Variants in AKAP13 observed in about 807,000 individuals in gnomAD.
AKAP13 encodes the protein A-kinase anchoring protein 13, also known as A-kinase anchor protein 13.
In AKAP13, 80 loss-of-function variants were observed where a neutral mutation model predicts 264.5. That is an observed-to-expected ratio of 0.30 (90% CI 0.25 to 0.36). AKAP13 has a LOEUF of 0.36. Among genes scored for constraint, AKAP13 ranks in the 10% least tolerant of loss-of-function variants. The pLI is 1.00. For synonymous variants in AKAP13, 1,380 were observed against 1,250.2 expected (o/e 1.10, Z -2.19); for missense variants, 3,712 against 3,435.2 (o/e 1.08, Z -2.01).
intron 8 of AKAP13, among the ~76,000 whole-genome samples, chr15:85,635,855 A>G (rs1008877161): frequency 7.2e-5 from 11 of 152,232 alleles, no homozygotes; most frequent in Admixed American, 5.9e-4. Flanking sequence ...ATATCTTGGC[A>G]TCTTTGTCAG....
intron 1 of AKAP13, among the ~76,000 whole-genome samples, chr15:85,392,710 G>A (rs1424174928): frequency 1.3e-5 from 2 of 152,128 alleles, no homozygotes; most frequent in Non-Finnish European, 2.9e-5. Context: ...CTGGCTCTGG[G>A]TGGTTTTGAA....
At chr15:85,673,124 G>C (rs776763722) in intron 14 of AKAP13, among the ~76,000 whole-genome samples, 1 of 152,156 alleles carries the variant, frequency 6.6e-6, no homozygotes, top group Admixed American at 6.6e-5. Context: ...CTGAGCTGTT[G>C]TCCAGAATGT....
intron 1 of AKAP13, among the ~76,000 whole-genome samples, chr15:85,382,629 T>C (rs2070345483): frequency 6.6e-6 from 1 of 152,220 alleles, no homozygotes; most frequent in Admixed American, 6.5e-5. Flanking sequence ...CATGTTATAC[T>C]GTAGGTACTA....
intron 6 of AKAP13, 26 bp downstream of exon 6, chr15:85,575,355 A>C (rs374312022): frequency 3.8e-6 from 6 of 1,597,762 alleles, no homozygotes; most frequent in Non-Finnish European, 4.3e-6. Context: ...TTTATTTTTA[A>C]GTATATGCAT....
At chr15:85,679,067 C>T (rs1597028943) in intron 14 of AKAP13, among the ~76,000 whole-genome samples, 1 of 151,866 alleles carries the variant, frequency 6.6e-6, no homozygotes, top group Non-Finnish European at 1.5e-5. Flanking sequence ...AGTGAAACCC[C>T]ATCTCTACCA....
intron 30 of AKAP13, among the ~76,000 whole-genome samples, chr15:85,730,997 CTTTTTTTTTTTT>C (rs71468134): frequency 1.4e-4 from 8 of 57,382 alleles, no homozygotes; most frequent in East Asian, 1.2e-3. Context: ...GTCACTTATG[CTTTTTTTTTTTT>C]TTTTTTTTTT....
chr15:85,595,123 A>G (rs980558916), intron 8 of AKAP13, among the ~76,000 whole-genome samples: 3 of 152,126 alleles, frequency 2.0e-5, no homozygotes, highest in African/African-American at 7.2e-5. Flanking sequence ...TTGTAGAGAT[A>G]GGGTCTCACT....
At chr15:85,548,178 G>A (rs2077822424) in intron 5 of AKAP13, among the ~76,000 whole-genome samples, 2 of 152,218 alleles carry the variant, frequency 1.3e-5, no homozygotes, top group Non-Finnish European at 2.9e-5. Context: ...GCTCCAGCTA[G>A]TGACTAGGTG....
At chr15:85,659,823 T>G (rs2151531834) in intron 12 of AKAP13, among the ~76,000 whole-genome samples, 1 of 152,246 alleles carries the variant, frequency 6.6e-6, no homozygotes, top group Non-Finnish European at 1.5e-5. Context: ...TTTTATAAAA[T>G]TGAAACATTA....
chr15:85,458,168 A>T (rs1252679989), intron 1 of AKAP13, among the ~76,000 whole-genome samples: 3 of 151,958 alleles, frequency 2.0e-5, no homozygotes, highest in Non-Finnish European at 4.4e-5. Context: ...GAAAATACTA[A>T]CTTTTAATTA....
Position 85,719,156 on chromosome 15 carries a change from C to T in AKAP13, c.6082C>T (p.Leu2028=), listed in dbSNP as rs2087133026. 1 of 1,614,162 alleles carries T rather than the reference C, an allele frequency of 6.2e-7. No homozygotes were observed. The change falls in exon 23 of 37, where the codon CTG becomes TTG. Residue 2028 remains leucine, a synonymous_variant. Transcript: ENST00000394518. ...GTACAGCCAGGGGATGATGGCGGAT[C>T]TGCTTTTTGAGCAGCAGATGGTAGA... ...GVYSQGMMAD[L]LFEQQMVEKL...
chr15:85,405,781 A>G (rs964929634), intron 1 of AKAP13, among the ~76,000 whole-genome samples: 43 of 152,238 alleles, frequency 2.8e-4, no homozygotes, highest in African/African-American at 1.0e-3. Context: ...TAGGTGTTGT[A>G]TGTGTCTCTT....
At chr15:85,576,962 G>A (rs947906550) in intron 6 of AKAP13, among the ~76,000 whole-genome samples, 3 of 152,076 alleles carry the variant, frequency 2.0e-5, no homozygotes, top group Admixed American at 6.6e-5. Flanking sequence ...TACTTGTTTC[G>A]CCAGATTTCT....
intron 8 of AKAP13, among the ~76,000 whole-genome samples, chr15:85,629,883 C>T (rs971965900): frequency 3.4e-5 from 5 of 148,704 alleles, no homozygotes; most frequent in African/African-American, 1.2e-4. Context: ...GGGCTCAAGC[C>T]AGCCTCCCAC....
At chr15:85,426,949 T>G (rs28509194) in intron 1 of AKAP13, among the ~76,000 whole-genome samples, 2 of 124,232 alleles carry the variant, frequency 1.6e-5, no homozygotes. Context: ...AGTATTGTTT[T>G]GTTTTGTTTT....
At position 85,527,253 on chromosome 15, in the gene AKAP13, G is replaced by A. The variant is rs376472506; in HGVS notation, c.181+5678G>A. Among the ~76,000 whole-genome samples, 829 of 152,196 alleles carry A rather than the reference G, an allele frequency of 5.4e-3. 8 individuals carry two copies. The highest frequency in any genetic ancestry group is 0.016 in the African/African-American group (668 of 41,524). On this transcript the variant is annotated intron_variant, in intron 3 of 36. Transcript: ENST00000394518. ...GCTGGGATTACAAGCGTGAGCCACC[G>A]CACCCGGCCCTGTTGTAATGTTAGG...
intron 1 of AKAP13, among the ~76,000 whole-genome samples, chr15:85,406,396 G>GTTTT (rs34569805): frequency 2.8e-5 from 4 of 143,824 alleles, no homozygotes; most frequent in Non-Finnish European, 6.0e-5. Flanking sequence ...CTAGAAAATA[G>GTTTT]TTTTTTTTTT....
intron 30 of AKAP13, among the ~76,000 whole-genome samples, chr15:85,733,381 G>A (rs998407059): frequency 3.3e-5 from 5 of 152,012 alleles, no homozygotes; most frequent in African/African-American, 1.2e-4. Flanking sequence ...TCTTTGCCTA[G>A]ATGCCCAAAG....
At chr15:85,591,422 A>G (rs1169113803) in intron 8 of AKAP13, among the ~76,000 whole-genome samples, 1 of 152,152 alleles carries the variant, frequency 6.6e-6, no homozygotes, top group Non-Finnish European at 1.5e-5. Flanking sequence ...TAGCCATTTT[A>G]AGATGTAAGC....
Sources: allele counts gnomAD v4.1 joint callset (sites outside exome capture counted in the v4.1 genomes callset), GRCh38; gene constraint gnomAD v4.1.1; transcripts MANE v1.5; gene names NCBI Gene and HGNC (gene_info 2026-07-23, HGNC 2026-07-21).